The following PLCZ1 variants were observed in gnomAD, a reference collection of about 807,000 sequenced individuals.
PLCZ1 encodes the protein 1-phosphatidylinositol 4,5-bisphosphate phosphodiesterase zeta-1.
PLCZ1 carries 64 observed loss-of-function variants against 76.8 expected under a neutral mutation model. The ratio of observed to expected loss-of-function variants is 0.83; its 90% CI spans 0.68 to 1.03. The LOEUF (loss-of-function observed/expected upper bound fraction) is 1.03, where lower values mean the gene tolerates loss of function less well. PLCZ1 is among the 50% of genes least tolerant of loss of function. The pLI, the probability that PLCZ1 is intolerant of heterozygous loss-of-function variation, is 0.00. For synonymous variants in PLCZ1, 248 were observed against 230.8 expected (o/e 1.07, Z -0.68); for missense variants, 751 against 713.7 (o/e 1.05, Z -0.60).
the PLCZ1 span, among the ~76,000 whole-genome samples, chr12:18,653,935 G>A: frequency 6.6e-6 from 1 of 152,070 alleles, no homozygotes; most frequent in Non-Finnish European, 1.5e-5. Flanking sequence ...ATACCTGTCA[G>A]CCTTCTGGCT....
chr12:18,669,338 C>A, the PLCZ1 span, among the ~76,000 whole-genome samples: 1 of 152,176 alleles, frequency 6.6e-6, no homozygotes, highest in Admixed American at 6.5e-5. Context: ...TACTATGTAG[C>A]AGGCACCACA....
intron 10 of PLCZ1, among the ~76,000 whole-genome samples, chr12:18,698,510 A>C (rs762799617): frequency 6.6e-6 from 1 of 152,166 alleles, no homozygotes; most frequent in Non-Finnish European, 1.5e-5. Flanking sequence ...GACCAGCCCA[A>C]TAAGGTTAAT....
the PLCZ1 span, among the ~76,000 whole-genome samples, chr12:18,662,803 T>C: frequency 6.6e-6 from 1 of 152,104 alleles, no homozygotes; most frequent in South Asian, 2.1e-4. Context: ...AACTTTAGCA[T>C]GTTAAATGTA....
chr12:18,727,969 G>C (rs1301174293), intron 3 of PLCZ1, among the ~76,000 whole-genome samples: 2 of 152,140 alleles, frequency 1.3e-5, no homozygotes, highest in East Asian at 1.9e-4. Flanking sequence ...AGGGTCAGAA[G>C]AAGAGTCTGA....
chr12:18,705,283 T>C lies in PLCZ1; in HGVS notation c.747A>G (p.Glu249=). ...CTTGTTGGGCAGTGGAGCAGTGATT[T>C]TCTAAAGAGAGCACCACTGGGTAGT... ...TSDYPVVLSL[E]NHCSTAQQEV... The change falls in exon 7 of 15, where the codon GAA becomes GAG. Residue 249 remains glutamate (E), a synonymous_variant. Coordinates refer to ENST00000266505, the MANE Select transcript of PLCZ1 (RefSeq NM_033123.4). 1 of 1,614,078 alleles carries C rather than the reference T, an allele frequency of 6.2e-7. No homozygotes were observed. Among genetic ancestry groups the C allele is most frequent in the Non-Finnish European group, 8.5e-7 (1 of 1,180,002 alleles).
intron 4 of PLCZ1, among the ~76,000 whole-genome samples, chr12:18,721,839 A>G (rs1202411737): frequency 6.6e-6 from 1 of 152,030 alleles, no homozygotes; most frequent in Non-Finnish European, 1.5e-5. Context: ...CTGAGACCAA[A>G]TTGTCACTAA....
intron 12 of PLCZ1, chr12:18,693,699 C>A (rs1954499053): frequency 1.3e-6 from 2 of 1,564,888 alleles, no homozygotes; most frequent in Admixed American, 3.3e-5. Context: ...ATTCAGCGAA[C>A]AACGTTGGAA....
downstream of PLCZ1, among the ~76,000 whole-genome samples, chr12:18,679,319 C>T (rs896935591): frequency 2.0e-5 from 3 of 151,992 alleles, no homozygotes; most frequent in Non-Finnish European, 4.4e-5. Context: ...TCAACTCTAT[C>T]ATTTATTTTA....
the PLCZ1 span, among the ~76,000 whole-genome samples, chr12:18,663,498 T>C: frequency 4.6e-5 from 7 of 152,152 alleles, no homozygotes; most frequent in Non-Finnish European, 8.8e-5. Context: ...TGCTATTTTA[T>C]ATCAGAGATT....
the PLCZ1 span, chr12:18,648,007 A>G: frequency 6.3e-7 from 1 of 1,596,250 alleles, no homozygotes; most frequent in South Asian, 1.1e-5. Flanking sequence ...AATGGTATCC[A>G]TTAGGAAACA....
chr12:18,724,104 G>A (rs1592269347), intron 3 of PLCZ1, among the ~76,000 whole-genome samples: 1 of 152,094 alleles, frequency 6.6e-6, no homozygotes, highest in South Asian at 2.1e-4. Flanking sequence ...GTTGTTAAAA[G>A]TACCAGGATG....
At chr12:18,658,968 A>T in the PLCZ1 span, among the ~76,000 whole-genome samples, 1 of 152,292 alleles carries the variant, frequency 6.6e-6, no homozygotes, top group South Asian at 2.1e-4. Flanking sequence ...TGAAGATATT[A>T]TAATCATGCA....
intron 3 of PLCZ1, among the ~76,000 whole-genome samples, chr12:18,734,758 T>G (rs546467323): frequency 6.6e-6 from 1 of 152,216 alleles, no homozygotes; most frequent in Non-Finnish European, 1.5e-5. Context: ...TTGCCTTTTA[T>G]TTTCATTTCT....
At chr12:18,661,841 A>T in the PLCZ1 span, among the ~76,000 whole-genome samples, 1 of 152,202 alleles carries the variant, frequency 6.6e-6, no homozygotes, top group Admixed American at 6.6e-5. Context: ...TATTCACAAT[A>T]GCAAAGACAA....
chr12:18,686,449 T>G (rs1412927472), intron 13 of PLCZ1, among the ~76,000 whole-genome samples: 1 of 152,090 alleles, frequency 6.6e-6, no homozygotes, highest in Non-Finnish European at 1.5e-5. Flanking sequence ...ATTCCACCCA[T>G]CTTGAGTTTC....
intron 12 of PLCZ1, among the ~76,000 whole-genome samples, chr12:18,690,188 G>A (rs1378656814): frequency 6.6e-6 from 1 of 152,032 alleles, no homozygotes; most frequent in African/African-American, 2.4e-5. Context: ...CACAAATAAG[G>A]TGGAACAAAA....
At chr12:18,704,690 C>G (rs1020615945) in intron 7 of PLCZ1, among the ~76,000 whole-genome samples, 2 of 151,832 alleles carry the variant, frequency 1.3e-5, no homozygotes, top group Non-Finnish European at 2.9e-5. Flanking sequence ...TAGATGTGGA[C>G]GTGATTTTTC....
intron 12 of PLCZ1, chr12:18,692,937 C>T: frequency 1.3e-6 from 2 of 1,536,094 alleles, no homozygotes; most frequent in Non-Finnish European, 1.8e-6. Context: ...ACTGGTGACA[C>T]CTCACACTCA....
At chr12:18,708,937 T>C (rs1020443270) in intron 6 of PLCZ1, among the ~76,000 whole-genome samples, 1 of 152,034 alleles carries the variant, frequency 6.6e-6, no homozygotes, top group Non-Finnish European at 1.5e-5. Flanking sequence ...GGTTTGCAAA[T>C]ATTTTTTCCC....
Sources: allele counts gnomAD v4.1 joint callset (sites outside exome capture counted in the v4.1 genomes callset), GRCh38; gene constraint gnomAD v4.1.1; transcripts MANE v1.5; gene names NCBI Gene and HGNC (gene_info 2026-07-23, HGNC 2026-07-21).